Variants in CHM observed in about 807,000 individuals in gnomAD.
The protein encoded by CHM is CHM Rab escort protein.
CHM carries 10 observed loss-of-function variants against 49.0 expected under a neutral mutation model. The observed-to-expected ratio is 0.20, with a 90% CI of 0.13 to 0.35. CHM has a LOEUF of 0.35. Among genes scored for constraint, CHM ranks in the 10% least tolerant of loss-of-function variants. CHM has a pLI of 1.00. For missense variants in CHM, 455 were observed against 478.4 expected, an observed-to-expected ratio of 0.95 and a Z score of 0.46; for synonymous variants, 184 against 167.5, an observed-to-expected ratio of 1.10 and a Z score of -0.76.
intron 1 of CHM, among the ~76,000 whole-genome samples, chrX:86,043,606 C>T (rs1264951566): frequency 9.0e-6 from 1 of 110,574 alleles, no homozygotes; most frequent in African/African-American, 3.3e-5. Context: ...TACAGTTTTG[C>T]TGTGTCACCC....
At chrX:85,932,126 T>G (rs950639974) in intron 8 of CHM, among the ~76,000 whole-genome samples, 1 of 112,120 alleles carries the variant, frequency 8.9e-6, no homozygotes, top group Admixed American at 9.5e-5. Flanking sequence ...CTTTGATATC[T>G]TCCAGGGGGA....
intron 2 of CHM, among the ~76,000 whole-genome samples, chrX:86,008,851 G>T (rs767500438): frequency 8.9e-6 from 1 of 112,210 alleles, no homozygotes; most frequent in Admixed American, 9.4e-5. Context: ...TGTACTGTGG[G>T]CCACAGTTTG....
chrX:85,941,677 T>C (rs192020768), intron 8 of CHM, among the ~76,000 whole-genome samples: 255 of 111,516 alleles, frequency 2.3e-3, no homozygotes, highest in Non-Finnish European at 2.7e-3. Flanking sequence ...GTTAACATAT[T>C]GTCTATGGCT....
intron 2 of CHM, among the ~76,000 whole-genome samples, chrX:86,011,959 C>A (rs758029850): frequency 1.8e-5 from 2 of 112,034 alleles, no homozygotes; most frequent in Non-Finnish European, 3.8e-5. Context: ...ACCTTGACTT[C>A]GTCCCCGTAA....
At chrX:86,008,524 T>A (rs1932924592) in intron 2 of CHM, among the ~76,000 whole-genome samples, 1 of 112,098 alleles carries the variant, frequency 8.9e-6, no homozygotes. Flanking sequence ...CAATAAACTT[T>A]AAAAGTAGTA....
At chrX:85,914,146 G>A (rs751928046) in intron 8 of CHM, among the ~76,000 whole-genome samples, 32 of 111,202 alleles carry the variant, frequency 2.9e-4, no homozygotes, top group Non-Finnish European at 4.5e-4. Context: ...AGAATTGCTC[G>A]GAGAGTTGGT....
chrX:85,974,613 A>C (rs750944837), intron 4 of CHM, among the ~76,000 whole-genome samples: 74 of 111,333 alleles, frequency 6.6e-4, no homozygotes, highest in Non-Finnish European at 1.2e-3. Context: ...TTTTTGACCA[A>C]GGTATAAAAG....
chrX:85,895,216 ACC>A (rs1375505862), intron 11 of CHM, among the ~76,000 whole-genome samples: 2 of 99,792 alleles, frequency 2.0e-5, no homozygotes, highest in Non-Finnish European at 4.0e-5. Flanking sequence ...GCTCACTGCA[ACC>A]CCCGCCTCCT....
intron 8 of CHM, among the ~76,000 whole-genome samples, chrX:85,939,609 G>C (rs1250686178): frequency 1.8e-5 from 2 of 112,267 alleles, no homozygotes; most frequent in Non-Finnish European, 3.8e-5. Context: ...AATGATTAAG[G>C]GTGGAATATG....
intron 14 of CHM, among the ~76,000 whole-genome samples, chrX:85,871,005 T>C (rs1175778287): frequency 1.8e-5 from 2 of 110,845 alleles, no homozygotes; most frequent in Non-Finnish European, 3.8e-5. Flanking sequence ...AAGTATTTCA[T>C]TTGCTTTTTA....
intron 4 of CHM, among the ~76,000 whole-genome samples, chrX:85,972,621 C>T (rs759031077): frequency 8.8e-6 from 1 of 113,032 alleles, no homozygotes; most frequent in East Asian, 2.8e-4. Context: ...CCTCACTGCC[C>T]GGGGCCGGCA....
At chrX:85,935,307 T>C (rs1184707548) in intron 8 of CHM, among the ~76,000 whole-genome samples, 1 of 111,625 alleles carries the variant, frequency 9.0e-6, no homozygotes, top group Non-Finnish European at 1.9e-5. Context: ...CCCATGTCCC[T>C]AACACTTCCC....
chrX:86,021,583 G>A (rs1013074332), intron 2 of CHM, among the ~76,000 whole-genome samples: 1 of 110,615 alleles, frequency 9.0e-6, no homozygotes, highest in African/African-American at 3.3e-5. Flanking sequence ...GTGGGAATGT[G>A]AAACAGTATA....
At chrX:85,920,220 C>A (rs976166451) in intron 8 of CHM, among the ~76,000 whole-genome samples, 2 of 109,776 alleles carry the variant, frequency 1.8e-5, no homozygotes, top group African/African-American at 6.6e-5. Context: ...TTCAGCCTCC[C>A]GAGTAGCTGG....
chrX:85,996,778 T>C (rs764471660), intron 2 of CHM, among the ~76,000 whole-genome samples: 11 of 111,665 alleles, frequency 9.9e-5, no homozygotes, highest in African/African-American at 3.3e-4. Context: ...CTCCACCCTA[T>C]TGTCTACACT....
chrX:85,873,014 C>A, intron 14 of CHM, 38 bp downstream of exon 14: 1 of 1,172,801 alleles, frequency 8.5e-7, no homozygotes, highest in Non-Finnish European at 1.2e-6. Context: ...ACCACACCAA[C>A]ATCTTAATAC....
chrX:85,934,966 G>A (rs967361228), intron 8 of CHM, among the ~76,000 whole-genome samples: 1 of 111,781 alleles, frequency 8.9e-6, no homozygotes, highest in Non-Finnish European at 1.9e-5. Flanking sequence ...TAAAATCAGA[G>A]AAGTTTTACC....
At chrX:85,959,165 C>T (rs897328228) in intron 5 of CHM, among the ~76,000 whole-genome samples, 188 bp from the exon 6 acceptor site, 2 of 111,536 alleles carry the variant, frequency 1.8e-5, no homozygotes, top group Non-Finnish European at 3.8e-5. Flanking sequence ...ATTCAAAAAA[C>T]TTTGCAATCC....
intron 2 of CHM, among the ~76,000 whole-genome samples, chrX:86,011,620 G>A (rs1222982049): frequency 8.9e-6 from 1 of 111,917 alleles, no homozygotes; most frequent in African/African-American, 3.2e-5. Flanking sequence ...CCCCAAAGAT[G>A]CTCAAGTCCT....
Sources: gnomAD v4.1 joint callset for allele counts (sites outside exome capture counted in the v4.1 genomes callset) on GRCh38, gnomAD v4.1.1 for gene constraint, MANE v1.5 for transcripts, NCBI Gene and HGNC (gene_info 2026-07-23, HGNC 2026-07-21) for gene names.